NYAP2: variants seen among roughly 807,000 people sequenced by gnomAD.
NYAP2 encodes neuronal tyrosine-phosphorylated phosphoinositide-3-kinase adaptor 2, also known as neuronal tyrosine-phosphorylated phosphoinositide-3-kinase adapter 2.
Under a neutral mutation model 50.4 loss-of-function variants are expected in NYAP2, and 23 were observed. The ratio of observed to expected loss-of-function variants is 0.46; its 90% CI spans 0.33 to 0.65. The LOEUF (loss-of-function observed/expected upper bound fraction) is 0.65. NYAP2 is among the 30% of genes least tolerant of loss of function. The pLI, the probability that NYAP2 is intolerant of heterozygous loss-of-function variation, is 0.02. For missense variants in NYAP2, 885 were observed against 861.0 expected (o/e 1.03, Z -0.35); for synonymous variants, 394 against 365.2 (o/e 1.08, Z -0.90).
At chr2:225,657,965 C>CA (rs1461439666), downstream of NYAP2, among the ~76,000 whole-genome samples, 2 of 152,208 alleles carry the variant, frequency 1.3e-5, no homozygotes, top group African/African-American at 4.8e-5. Flanking sequence ...AAGTGTTGAA[C>CA]AAAAGTGTTT....
At chr2:225,563,637 C>T (rs190075348) in intron 4 of NYAP2, among the ~76,000 whole-genome samples, 45 of 152,088 alleles carry the variant, frequency 3.0e-4, no homozygotes, top group African/African-American at 1.0e-3. Flanking sequence ...TCATAGTGAT[C>T]ACAAAGCAGA....
intron 4 of NYAP2, among the ~76,000 whole-genome samples, chr2:225,524,234 C>A (rs1485536644): frequency 6.6e-6 from 1 of 152,134 alleles, no homozygotes; most frequent in African/African-American, 2.4e-5. Context: ...AAGGCCCTGG[C>A]AAACCACTGG....
chr2:225,686,958 T>A, the NYAP2 span, among the ~76,000 whole-genome samples: 1 of 152,164 alleles, frequency 6.6e-6, no homozygotes, highest in African/African-American at 2.4e-5. Context: ...CAGCCTTTGT[T>A]TGATCAAGTG....
At chr2:225,504,423 T>G (rs1463281913) in intron 3 of NYAP2, among the ~76,000 whole-genome samples, 1 of 151,852 alleles carries the variant, frequency 6.6e-6, no homozygotes, top group African/African-American at 2.4e-5. Context: ...CACATGAATT[T>G]GGGGTGGGGG....
chr2:225,556,986 A>T (rs909157867), intron 4 of NYAP2, among the ~76,000 whole-genome samples: 3 of 152,190 alleles, frequency 2.0e-5, no homozygotes, highest in African/African-American at 7.2e-5. Context: ...TGAGGCCTAG[A>T]CTAAGTAGCA....
At chr2:225,688,030 T>C in the NYAP2 span, among the ~76,000 whole-genome samples, 1 of 152,190 alleles carries the variant, frequency 6.6e-6, no homozygotes, top group Non-Finnish European at 1.5e-5. Flanking sequence ...CCTAAGAATT[T>C]GCATTTTAAT....
At chr2:225,688,006 C>T in the NYAP2 span, among the ~76,000 whole-genome samples, 3 of 152,144 alleles carry the variant, frequency 2.0e-5, no homozygotes, top group Admixed American at 6.5e-5. Context: ...AAGTCAGATT[C>T]TCTGACATTG....
At chr2:225,438,510 C>T (rs147744717) in intron 3 of NYAP2, among the ~76,000 whole-genome samples, 46 of 152,286 alleles carry the variant, frequency 3.0e-4, no homozygotes, top group African/African-American at 1.1e-3. Flanking sequence ...TAGCACTTTG[C>T]GTTGATTTAA....
chr2:225,587,573 A>G (rs1469955914), intron 5 of NYAP2, among the ~76,000 whole-genome samples: 1 of 152,192 alleles, frequency 6.6e-6, no homozygotes, highest in African/African-American at 2.4e-5. Flanking sequence ...AATCTTCCTC[A>G]TGGTATCCTC....
chr2:225,473,325 G>A (rs1462190850), intron 3 of NYAP2, among the ~76,000 whole-genome samples: 1 of 152,208 alleles, frequency 6.6e-6, no homozygotes, highest in African/African-American at 2.4e-5. Context: ...TATATACCCA[G>A]TAATGGGATG....
intron 3 of NYAP2, among the ~76,000 whole-genome samples, chr2:225,449,608 T>A: frequency 7.1e-6 from 1 of 141,634 alleles, no homozygotes; most frequent in African/African-American, 2.7e-5. Flanking sequence ...TCTCTTTTTT[T>A]TTTTTTTTTT....
chr2:225,681,669 T>C, the NYAP2 span, among the ~76,000 whole-genome samples: 2 of 152,218 alleles, frequency 1.3e-5, no homozygotes, highest in Non-Finnish European at 2.9e-5. Flanking sequence ...GGTAGATACA[T>C]AATATAAAAT....
intron 5 of NYAP2, among the ~76,000 whole-genome samples, chr2:225,588,795 G>C (rs1206101753): frequency 6.6e-6 from 1 of 152,106 alleles, no homozygotes; most frequent in Non-Finnish European, 1.5e-5. Context: ...AAGTTGACCC[G>C]AACAGGGGAG....
intron 3 of NYAP2, among the ~76,000 whole-genome samples, chr2:225,419,164 G>A (rs1695173723): frequency 1.3e-5 from 2 of 152,204 alleles, no homozygotes; most frequent in East Asian, 1.9e-4. Context: ...CTGCTTTCCA[G>A]TTTAGGGCAG....
At chr2:225,633,078 A>T (rs767672854) in intron 6 of NYAP2, among the ~76,000 whole-genome samples, 1 of 152,226 alleles carries the variant, frequency 6.6e-6, no homozygotes, top group Non-Finnish European at 1.5e-5. Context: ...AAAAATCATT[A>T]TGATTATCAA....
intron 3 of NYAP2, among the ~76,000 whole-genome samples, chr2:225,478,407 T>C (rs2106163573): frequency 1.3e-5 from 2 of 152,342 alleles, no homozygotes; most frequent in South Asian, 4.1e-4. Context: ...TGAATTCATT[T>C]TTCCCAAAGT....
the NYAP2 span, among the ~76,000 whole-genome samples, chr2:225,688,845 C>T: frequency 0.03 from 4,539 of 152,194 alleles, 227 homozygotes; most frequent in African/African-American, 0.1. Context: ...TGGGCTTAAG[C>T]GATTCTCCTG....
intron 4 of NYAP2, among the ~76,000 whole-genome samples, chr2:225,580,983 G>A (rs1692260821): frequency 6.6e-6 from 1 of 152,140 alleles, no homozygotes; most frequent in Non-Finnish European, 1.5e-5. Context: ...ATAATAACAA[G>A]ACTCAAGTAC....
chr2:225,653,950 T>G (rs549172932), exon 7 of NYAP2: 4 of 143,320 alleles, frequency 2.8e-5, no homozygotes, highest in Non-Finnish European at 6.0e-5. Context: ...ACCTGGGAGG[T>G]GGAGCTTGCA....
Sources: allele counts gnomAD v4.1 joint callset (sites outside exome capture counted in the v4.1 genomes callset), GRCh38; gene constraint gnomAD v4.1.1; transcripts MANE v1.5; gene names NCBI Gene and HGNC (gene_info 2026-07-23, HGNC 2026-07-21).